DNAH8: variants seen among roughly 807,000 people sequenced by gnomAD.
The protein encoded by DNAH8 is dynein axonemal heavy chain 8.
DNAH8 carries 382 observed loss-of-function variants against 562.1 expected under a neutral mutation model. The ratio of observed to expected loss-of-function variants is 0.68; its 90% CI spans 0.63 to 0.74. The LOEUF is 0.74. Ranked by LOEUF, DNAH8 falls within the 30% of genes least tolerant of loss-of-function variation. The pLI, the probability that DNAH8 is intolerant of heterozygous loss-of-function variation, is 0.00. For synonymous variants in DNAH8, 1,881 were observed against 1,919.4 expected (o/e 0.98, Z 0.52); for missense variants, 5,203 against 5,620.4 (o/e 0.93, Z 2.37).
At chr6:38,719,334 G>C (rs181455398) in intron 1 of DNAH8, among the ~76,000 whole-genome samples, 1 of 152,286 alleles carries the variant, frequency 6.6e-6, no homozygotes, top group Non-Finnish European at 1.5e-5. Flanking sequence ...CTGTCACCCA[G>C]ATAGTGAGCA....
intron 30 of DNAH8, among the ~76,000 whole-genome samples, chr6:38,829,482 T>A (rs1773649439): frequency 6.6e-6 from 1 of 152,198 alleles, no homozygotes; most frequent in Non-Finnish European, 1.5e-5. Context: ...AAATTTTGAT[T>A]TCTGATACAT....
intron 27 of DNAH8, 41 bp from the exon 28 acceptor site, chr6:38,823,521 A>G (rs376977823): frequency 4.7e-6 from 7 of 1,476,600 alleles, no homozygotes; most frequent in Non-Finnish European, 6.6e-6. Flanking sequence ...TAAGATTTAT[A>G]CTGTTAAAAA....
intron 11 of DNAH8, among the ~76,000 whole-genome samples, chr6:38,766,584 T>C (rs1767024527): frequency 6.6e-6 from 1 of 152,168 alleles, no homozygotes; most frequent in South Asian, 2.1e-4. Flanking sequence ...CCTCCTGGGC[T>C]CAAGCCATCC....
rs1321509570 is a variant in DNAH8, at chr6:39,030,186, A to G, written c.13918A>G (p.Lys4640Glu). ...TGGGAAGCTCATGGAATCCACCCCC[A>G]AGGTACTCTTCACGCAGTTACCCGT... ...RNGKLMESTP[K>E]VLFTQLPVLH... The change falls in exon 93 of 93, where the codon AAG becomes GAG. Residue 4640 changes from lysine (K) to glutamate (E), a missense_variant. Lys to Glu is a moderately conservative substitution (Grantham distance 56, BLOSUM62 1). This residue lies in a region of DNAH8 where 1,399 missense variants were observed against 1,518.4 expected (regional missense o/e 0.92). Coordinates refer to ENST00000327475, the MANE Select transcript of DNAH8 (RefSeq NM_001206927.2). 1 of 1,614,110 alleles carries G rather than the reference A, an allele frequency of 6.2e-7. No individual in the cohort carries two copies.
chr6:38,727,570 C>T (rs529819792), intron 3 of DNAH8, among the ~76,000 whole-genome samples: 20 of 152,346 alleles, frequency 1.3e-4, no homozygotes, highest in African/African-American at 4.1e-4. Flanking sequence ...TGGGGGATCA[C>T]GGTTCTCCGT....
At chr6:38,863,154 C>T (rs894437941) in intron 44 of DNAH8, among the ~76,000 whole-genome samples, 1 of 152,062 alleles carries the variant, frequency 6.6e-6, no homozygotes, top group Non-Finnish European at 1.5e-5. Flanking sequence ...ACCAAACTCC[C>T]GGCCGGGCAC....
chr6:38,847,750 G>A (rs1309747977), intron 36 of DNAH8, among the ~76,000 whole-genome samples: 1 of 152,164 alleles, frequency 6.6e-6, no homozygotes, highest in Non-Finnish European at 1.5e-5. Context: ...GCTTGCCCTT[G>A]CTACACACTG....
At chr6:38,797,752 C>T (rs930319448) in intron 21 of DNAH8, among the ~76,000 whole-genome samples, 1 of 152,172 alleles carries the variant, frequency 6.6e-6, no homozygotes, top group Non-Finnish European at 1.5e-5. Flanking sequence ...CCCCGCTGCA[C>T]ATATTTCCCA....
At chr6:38,839,729 C>T (rs1167130537) in intron 33 of DNAH8, among the ~76,000 whole-genome samples, 1 of 151,718 alleles carries the variant, frequency 6.6e-6, no homozygotes, top group Non-Finnish European at 1.5e-5. Context: ...ATGACATGAT[C>T]TCGGCTCACA....
chr6:39,018,038 A>T (rs1766671007), intron 91 of DNAH8, among the ~76,000 whole-genome samples: 1 of 152,142 alleles, frequency 6.6e-6, no homozygotes, highest in Non-Finnish European at 1.5e-5. Flanking sequence ...CTACCCTTAA[A>T]CATCTTGGGA....
chr6:38,770,203 AT>A (rs1345716094), intron 11 of DNAH8, among the ~76,000 whole-genome samples: 15 of 152,150 alleles, frequency 9.9e-5, no homozygotes, highest in Non-Finnish European at 1.3e-4. Context: ...AGTATATGGT[AT>A]GCTTTGATGT....
chr6:39,018,663 G>A (rs1766709217), intron 91 of DNAH8, among the ~76,000 whole-genome samples: 1 of 152,184 alleles, frequency 6.6e-6, no homozygotes, highest in Non-Finnish European at 1.5e-5. Context: ...GGATTCTGCT[G>A]AATATGCTTG....
At chr6:38,747,244 T>A (rs955623492) in intron 8 of DNAH8, among the ~76,000 whole-genome samples, 7 of 152,296 alleles carry the variant, frequency 4.6e-5, no homozygotes, top group Admixed American at 2.6e-4. Flanking sequence ...AGAGATTAAG[T>A]TTCTTGTTCA....
intron 52 of DNAH8, among the ~76,000 whole-genome samples, chr6:38,874,878 T>A (rs1385873368): frequency 6.6e-6 from 1 of 152,240 alleles, no homozygotes; most frequent in Admixed American, 6.5e-5. Flanking sequence ...TATTTAGTAA[T>A]TACTTTAAAA....
chr6:38,736,970 A>G (rs754627058), intron 5 of DNAH8, 97 bp from the exon 6 acceptor site: 5 of 810,002 alleles, frequency 6.2e-6, no homozygotes, highest in Non-Finnish European at 7.2e-6. Flanking sequence ...AAAATGTATT[A>G]GTTGTCTATG....
chr6:38,741,919 C>G, intron 8 of DNAH8, 32 bp downstream of exon 8: 1 of 1,566,528 alleles, frequency 6.4e-7, no homozygotes. Context: ...GTTTGGTATA[C>G]TTCAGAACAA....
intron 10 of DNAH8, among the ~76,000 whole-genome samples, chr6:38,757,037 G>A (rs1765981847): frequency 6.6e-6 from 1 of 152,172 alleles, no homozygotes; most frequent in African/African-American, 2.4e-5. Flanking sequence ...TATATACCCA[G>A]TAATGGGATT....
At chr6:38,793,097 C>A (rs1450673324) in intron 21 of DNAH8, among the ~76,000 whole-genome samples, 1 of 152,102 alleles carries the variant, frequency 6.6e-6, no homozygotes, top group Non-Finnish European at 1.5e-5. Flanking sequence ...ATTATTTGTT[C>A]TCAGTTTTGG....
rs868746258 is a variant in DNAH8 at position 38,951,376 on chromosome 6, G to A, written c.12307G>A (p.Glu4103Lys). 1 of 1,614,110 alleles carries A rather than the reference G, an allele frequency of 6.2e-7. No homozygotes were observed. Among genetic ancestry groups the A allele is most frequent in the Non-Finnish European group, 8.5e-7 (1 of 1,180,014 alleles). ...QARKYIADSLEEKYTEPVILN... is the reference protein window; with the variant it reads ...QARKYIADSLKEKYTEPVILN... ...AAGAAAGTATATTGCAGATTCTTTG[G>A]AGGAGAAGTACACAGAACCAGTTAT... The change falls in exon 82 of 93, where the codon GAG becomes AAG. Residue 4103 changes from glutamate to lysine, a missense_variant. Physicochemically the swap from Glu to Lys is moderately conservative, Grantham distance 56. Around this residue, in one of 6 missense-constraint regions of DNAH8, gnomAD observed 1,399 missense variants for 1,518.4 expected, o/e 0.92. Coordinates refer to ENST00000327475, the MANE Select transcript of DNAH8 (RefSeq NM_001206927.2).
Sources: allele counts gnomAD v4.1 joint callset (sites outside exome capture counted in the v4.1 genomes callset), GRCh38; gene constraint gnomAD v4.1.1; regional missense constraint gnomAD v4.1.1; transcripts MANE v1.5; gene names NCBI Gene and HGNC (gene_info 2026-07-23, HGNC 2026-07-21).